ANKS1B: variants seen among roughly 807,000 people sequenced by gnomAD.
The protein encoded by ANKS1B is ankyrin repeat and sterile alpha motif domain-containing protein 1B.
In ANKS1B, 36 loss-of-function variants were observed where a neutral mutation model predicts 148.3. That is an observed-to-expected ratio of 0.24 (90% confidence interval 0.19 to 0.32). ANKS1B has a LOEUF of 0.32. ANKS1B is among the 10% of genes least tolerant of loss of function. The pLI is 1.00. For missense variants in ANKS1B, 1,157 were observed against 1,542.6 expected (o/e 0.75, Z 4.19); for synonymous variants, 542 against 560.8 (o/e 0.97, Z 0.47).
intron 8 of ANKS1B, among the ~76,000 whole-genome samples, chr12:99,719,363 C>T (rs1029266449): frequency 1.3e-5 from 2 of 152,158 alleles, no homozygotes; most frequent in African/African-American, 4.8e-5. Context: ...CAGCCTCCCA[C>T]ATTATTCCTG....
At chr12:99,217,605 G>A (rs748187460) in intron 14 of ANKS1B, among the ~76,000 whole-genome samples, 2 of 152,008 alleles carry the variant, frequency 1.3e-5, no homozygotes, top group Admixed American at 6.6e-5. Flanking sequence ...GCAAAGTCCA[G>A]AGGCAGCATT....
chr12:98,972,591 C>T (rs1250225882), intron 17 of ANKS1B, among the ~76,000 whole-genome samples: 2 of 152,166 alleles, frequency 1.3e-5, no homozygotes, highest in Non-Finnish European at 2.9e-5. Flanking sequence ...GGGCTTCCGA[C>T]GCCACTTTCT....
At chr12:99,010,651 G>C (rs1291153808) in intron 17 of ANKS1B, among the ~76,000 whole-genome samples, 3 of 151,896 alleles carry the variant, frequency 2.0e-5, no homozygotes, top group African/African-American at 7.3e-5. Context: ...AGTTATCTAT[G>C]ATATCCCACA....
At chr12:98,859,521 A>G (rs2099588172) in intron 17 of ANKS1B, among the ~76,000 whole-genome samples, 1 of 152,262 alleles carries the variant, frequency 6.6e-6, no homozygotes, top group African/African-American at 2.4e-5. Context: ...GTGATTAATA[A>G]TGATCAGAAG....
chr12:99,374,783 G>A (rs182492405), intron 12 of ANKS1B, among the ~76,000 whole-genome samples: 1 of 152,096 alleles, frequency 6.6e-6, no homozygotes, highest in Non-Finnish European at 1.5e-5. Context: ...TGTGTTTCTG[G>A]TATGCCAAGT....
chr12:99,590,091 A>G (rs1458481584), intron 9 of ANKS1B, among the ~76,000 whole-genome samples: 1 of 152,192 alleles, frequency 6.6e-6, no homozygotes, highest in Non-Finnish European at 1.5e-5. Flanking sequence ...TAAAAATATA[A>G]TGCTGAAAAA....
intron 8 of ANKS1B, among the ~76,000 whole-genome samples, chr12:99,702,929 C>A (rs1469018958): frequency 2.6e-5 from 4 of 151,874 alleles, no homozygotes; most frequent in Admixed American, 2.0e-4. Flanking sequence ...GTCTTTAATC[C>A]ACTTTCATTT....
At chr12:99,624,490 C>A (rs990680295) in intron 9 of ANKS1B, among the ~76,000 whole-genome samples, 2 of 152,046 alleles carry the variant, frequency 1.3e-5, no homozygotes, top group African/African-American at 2.4e-5. Context: ...AAAATATTCA[C>A]AAACTATGCC....
intron 12 of ANKS1B, among the ~76,000 whole-genome samples, chr12:99,283,617 T>C (rs1240830649): frequency 1.3e-5 from 2 of 152,196 alleles, no homozygotes; most frequent in Non-Finnish European, 2.9e-5. Flanking sequence ...GTTTCAGTGC[T>C]ATGGAAGAAC....
chr12:99,750,255 G>A (rs931432061), intron 8 of ANKS1B, among the ~76,000 whole-genome samples: 5 of 151,918 alleles, frequency 3.3e-5, no homozygotes, highest in East Asian at 1.9e-4. Flanking sequence ...TAAAAGACCC[G>A]CTATATATAT....
intron 17 of ANKS1B, among the ~76,000 whole-genome samples, chr12:99,012,467 C>T (rs1002152803): frequency 6.6e-6 from 1 of 152,094 alleles, no homozygotes; most frequent in Non-Finnish European, 1.5e-5. Flanking sequence ...TATTTTACTA[C>T]CAAGAAGTAT....
chr12:99,497,400 G>A (rs1423738475), intron 10 of ANKS1B, among the ~76,000 whole-genome samples: 1 of 152,140 alleles, frequency 6.6e-6, no homozygotes, highest in Non-Finnish European at 1.5e-5. Flanking sequence ...ACTAGTAACT[G>A]GGTGGCTTAA....
chr12:99,458,344 A>G (rs1022743171), intron 10 of ANKS1B, among the ~76,000 whole-genome samples: 2 of 151,992 alleles, frequency 1.3e-5, no homozygotes, highest in African/African-American at 4.8e-5. Flanking sequence ...TAGACAATCT[A>G]AAGTCATATC....
chr12:99,099,916 A>G (rs2057459888), intron 15 of ANKS1B: 1 of 152,180 alleles, frequency 6.6e-6, no homozygotes, highest in African/African-American at 2.4e-5. Context: ...AGGGGGCCCC[A>G]CATTTTCATT....
chr12:99,230,787 C>T (rs1372649080), intron 14 of ANKS1B, among the ~76,000 whole-genome samples: 6 of 152,102 alleles, frequency 3.9e-5, no homozygotes, highest in African/African-American at 1.4e-4. Context: ...CTGAAATTCA[C>T]ATTTTTACAT....
intron 9 of ANKS1B, among the ~76,000 whole-genome samples, chr12:99,531,315 G>A (rs369843657): frequency 2.0e-5 from 3 of 151,910 alleles, no homozygotes; most frequent in African/African-American, 7.3e-5. Flanking sequence ...ATAGCTTTAG[G>A]AATACAAGTG....
chr12:99,256,580 A>G (rs2075289998), intron 12 of ANKS1B, among the ~76,000 whole-genome samples: 2 of 152,092 alleles, frequency 1.3e-5, no homozygotes, highest in Admixed American at 1.3e-4. Context: ...TCAATGCTCT[A>G]GTTTTCAACT....
intron 17 of ANKS1B, among the ~76,000 whole-genome samples, chr12:98,977,397 CA>C (rs2099898705): frequency 6.6e-6 from 1 of 152,108 alleles, no homozygotes. Flanking sequence ...ATATGATTAG[CA>C]CATTCTAAAG....
chr12:99,342,679 A>G (rs1439489152), intron 12 of ANKS1B, among the ~76,000 whole-genome samples: 3 of 152,078 alleles, frequency 2.0e-5, no homozygotes, highest in African/African-American at 4.8e-5. Flanking sequence ...GATAGTCTAC[A>G]TTAACACTTT....
Sources: allele counts gnomAD v4.1 joint callset (sites outside exome capture counted in the v4.1 genomes callset), GRCh38; gene constraint gnomAD v4.1.1; transcripts MANE v1.5; gene names NCBI Gene and HGNC (gene_info 2026-07-23, HGNC 2026-07-21).